The following S100Z variants were observed in gnomAD, a reference collection of about 807,000 sequenced individuals.
The protein encoded by S100Z is protein S100-Z.
A neutral mutation model predicts 8.5 loss-of-function variants in S100Z; 11 were observed. That is an observed-to-expected ratio of 1.30 (90% CI 0.82 to 2.15). The LOEUF (loss-of-function observed/expected upper bound fraction) is 2.15, where lower values mean the gene tolerates loss of function less well. S100Z is among the 30% of genes most tolerant of loss of function. The pLI is 0.00. For synonymous variants in S100Z, 34 were observed against 43.8 expected (o/e 0.78, Z 0.89); for missense variants, 126 against 117.9 (o/e 1.07, Z -0.32).
At chr5:76,912,548 G>A (rs1744704052) in intron 4 of S100Z, among the ~76,000 whole-genome samples, 2 of 152,188 alleles carry the variant, frequency 1.3e-5, no homozygotes, top group African/African-American at 4.8e-5. Flanking sequence ...CTGAGCCTTA[G>A]AACTGGGAAA....
rs559520192 is a variant in S100Z at position 76,865,527 on chromosome 5, G to A, written c.-175-4639G>A. 2.6e-3 allele frequency among the ~76,000 whole-genome samples: 398 copies of A among 150,996 alleles called. 1 individual carries two copies. The highest frequency in any genetic ancestry group is 9.0e-3 in the African/African-American group (373 of 41,218). ...CTCCCAAAGTGCTGGGATTACAGGC[G>A]TGAGCCACTGTACCCGGCCCATGTC... On this transcript the variant is annotated intron_variant, in intron 1 of 4. Transcript: ENST00000317593.
chr5:76,864,386 ATTTTTTTTTTTTTTTTT>A (rs56206322), intron 1 of S100Z, among the ~76,000 whole-genome samples: 6 of 72,174 alleles, frequency 8.3e-5, no homozygotes, highest in Admixed American at 2.4e-4. Context: ...TGCATACTAT[ATTTTTTTTTTTTTTTTT>A]TTTTTTTTTT....
the S100Z span, among the ~76,000 whole-genome samples, chr5:76,940,026 A>T: frequency 5.9e-5 from 9 of 151,692 alleles, no homozygotes; most frequent in African/African-American, 2.2e-4. Flanking sequence ...GCATGGTGGC[A>T]TATGCCTGTA....
intron 2 of S100Z, among the ~76,000 whole-genome samples, chr5:76,872,467 G>A (rs990152943): frequency 6.6e-6 from 1 of 152,052 alleles, no homozygotes; most frequent in African/African-American, 2.4e-5. Context: ...TTTGACACCA[G>A]CCTGGGAAAC....
intron 1 of S100Z, among the ~76,000 whole-genome samples, chr5:76,868,184 G>T (rs749780904): frequency 6.6e-6 from 1 of 152,148 alleles, no homozygotes; most frequent in African/African-American, 2.4e-5. Context: ...CTGAGGCTGG[G>T]TTATATAAAG....
the S100Z span, among the ~76,000 whole-genome samples, chr5:76,946,132 A>G: frequency 6.6e-6 from 1 of 152,234 alleles, no homozygotes; most frequent in Non-Finnish European, 1.5e-5. Context: ...GGCTGGACAC[A>G]GGGATCTCTT....
chr5:76,931,836 T>C, the S100Z span, among the ~76,000 whole-genome samples: 1 of 152,134 alleles, frequency 6.6e-6, no homozygotes, highest in Non-Finnish European at 1.5e-5. Context: ...TAAGTCTCAG[T>C]GTGTAAAATT....
intron 1 of S100Z, among the ~76,000 whole-genome samples, chr5:76,868,262 A>G (rs774519265): frequency 6.6e-5 from 10 of 152,206 alleles, no homozygotes; most frequent in Non-Finnish European, 1.2e-4. Flanking sequence ...GAGGGCTGCC[A>G]GGTGCAGTCC....
chr5:76,928,799 G>T, the S100Z span, among the ~76,000 whole-genome samples: 2 of 152,164 alleles, frequency 1.3e-5, no homozygotes, highest in African/African-American at 4.8e-5. Context: ...GGAGTGCAGC[G>T]CACAATCACG....
chr5:76,927,093 TA>T, the S100Z span, among the ~76,000 whole-genome samples: 5 of 152,304 alleles, frequency 3.3e-5, no homozygotes, highest in African/African-American at 1.2e-4. Context: ...AGTAGTAACA[TA>T]AGACATCAAA....
At chr5:76,911,369 C>T (rs57740247) in intron 4 of S100Z, among the ~76,000 whole-genome samples, 3,688 of 152,188 alleles carry the variant, frequency 0.024, 170 homozygotes, top group African/African-American at 0.083. Flanking sequence ...TGTACCCAAC[C>T]CCTATAGCCT....
At chr5:76,854,649 C>T (rs912643693) in intron 1 of S100Z, among the ~76,000 whole-genome samples, 1 of 152,142 alleles carries the variant, frequency 6.6e-6, no homozygotes, top group African/African-American at 2.4e-5. Context: ...AAAAGGGACA[C>T]AGAGTGTAAA....
At chr5:76,886,031 C>T (rs1281766602) in intron 4 of S100Z, among the ~76,000 whole-genome samples, 4 of 128,224 alleles carry the variant, frequency 3.1e-5, no homozygotes, top group African/African-American at 8.8e-5. Flanking sequence ...AGTAGAGACA[C>T]GGAGAGAAGG....
the S100Z span, chr5:76,952,858 A>C: frequency 3.2e-5 from 15 of 463,702 alleles, no homozygotes; most frequent in Non-Finnish European, 5.9e-5. Context: ...AGTGACTGAA[A>C]TCATTCTTGG....
Position 76,861,338 on chromosome 5 carries a change from C to G in S100Z, c.-175-8828C>G, listed in dbSNP as rs1392952189. On this transcript the variant is annotated intron_variant, in intron 1 of 4. Transcript: ENST00000317593. ...GATTCAAGAGGAAGCGAGGCAAAAG[C>G]CAGGATTTTTTTTTTTTTTGAGATG... Among the ~76,000 whole-genome samples, 5 of 118,618 alleles carry G rather than the reference C, an allele frequency of 4.2e-5. No homozygotes were observed. In the East Asian group the frequency reaches 1.0e-3, roughly 24 times the overall value. The allele number at this position is 118,618 out of a possible 152,430, so 77.8% of individuals were successfully genotyped here.
Position 76,918,354 on chromosome 5 carries a change from G to A in S100Z, c.*3-2363G>A, listed in dbSNP as rs114109429. ...TCTGAGTAGCTGAGACTACAGGTGC[G>A]TGCCACTATGCCTGGCTAACATTTG... On this transcript the variant is annotated intron_variant, in intron 4 of 4. Coordinates refer to ENST00000317593, the MANE Select transcript of S100Z (RefSeq NM_130772.4). 6.9e-3 allele frequency among the ~76,000 whole-genome samples: 1,046 copies of A among 152,146 alleles called. 15 individuals are homozygous for A. Among genetic ancestry groups the A allele is most frequent in the African/African-American group, 0.024 (981 of 41,492 alleles).
At chr5:76,940,858 C>G in the S100Z span, among the ~76,000 whole-genome samples, 3 of 152,254 alleles carry the variant, frequency 2.0e-5, no homozygotes, top group Admixed American at 6.5e-5. Flanking sequence ...CCTTAGGTTC[C>G]CCTTGACTAG....
the S100Z span, among the ~76,000 whole-genome samples, chr5:76,937,221 C>T: frequency 4.0e-5 from 6 of 150,698 alleles, no homozygotes; most frequent in East Asian, 1.2e-3. Context: ...CTTAAGGACA[C>T]ATATGTAGGT....
chr5:76,868,644 G>A (rs1317430192), intron 1 of S100Z, among the ~76,000 whole-genome samples: 6 of 105,836 alleles, frequency 5.7e-5, no homozygotes, highest in South Asian at 2.7e-4. Context: ...TTTTTTTTGC[G>A]ACAGAGTCTG....
Sources: gnomAD v4.1 joint callset for allele counts (sites outside exome capture counted in the v4.1 genomes callset) on GRCh38, gnomAD v4.1.1 for gene constraint, MANE v1.5 for transcripts, NCBI Gene and HGNC (gene_info 2026-07-23, HGNC 2026-07-21) for gene names.